Variants in EPB41L4A observed in about 807,000 individuals in gnomAD.
EPB41L4A encodes band 4.1-like protein 4A.
EPB41L4A carries 100 observed loss-of-function variants against 108.6 expected under a neutral mutation model. The observed-to-expected ratio is 0.92, with a 90% CI of 0.78 to 1.09. The LOEUF is 1.09. Among genes scored for constraint, EPB41L4A ranks in the 50% least tolerant of loss-of-function variants. The pLI is 0.00. For synonymous variants in EPB41L4A, 319 were observed against 289.0 expected (o/e 1.10, Z -1.05); for missense variants, 1,030 against 842.7 (o/e 1.22, Z -2.75).
chr5:112,341,629 T>G (rs1418156083), intron 1 of EPB41L4A, among the ~76,000 whole-genome samples: 1 of 152,112 alleles, frequency 6.6e-6, no homozygotes, highest in Non-Finnish European at 1.5e-5. Context: ...ATTAAAAGCT[T>G]GGCCAGGTGC....
Position 112,307,253 on chromosome 5 carries a change from G to T in EPB41L4A, c.204+133C>A, listed in dbSNP as rs1052122343. 2.5e-5 allele frequency: 15 copies of T among 608,908 alleles called. No individual in the cohort carries two copies. The Admixed American group carries it at 4.3e-4, about 17-fold the overall frequency. The allele number at this position is 608,908 out of a possible 1,614,324, so 37.7% of individuals were successfully genotyped here. Reference sequence around the variant, plus strand: ...AAAAAATGCAAAGAAATTATCAGGGGAAAACATGTTTGAGATTTTCAAAGT... The same window carrying T: ...AAAAAATGCAAAGAAATTATCAGGGTAAAACATGTTTGAGATTTTCAAAGT... On this transcript the variant is annotated intron_variant, in intron 2 of 22. Transcript: ENST00000261486.
chr5:112,217,241 G>A (rs1366079925), intron 12 of EPB41L4A, among the ~76,000 whole-genome samples: 1 of 152,092 alleles, frequency 6.6e-6, no homozygotes, highest in African/African-American at 2.4e-5. Context: ...ACCGCATCCA[G>A]CTGGAAAATT....
At chr5:112,178,055 CAAAA>C in intron 18 of EPB41L4A, among the ~76,000 whole-genome samples, 1 of 142,124 alleles carries the variant, frequency 7.0e-6, no homozygotes, top group East Asian at 2.1e-4. Flanking sequence ...AAAAAAAAAA[CAAAA>C]AGACCAACTG....
intron 17 of EPB41L4A, among the ~76,000 whole-genome samples, chr5:112,192,490 C>T (rs992071198): frequency 6.6e-6 from 1 of 152,104 alleles, no homozygotes; most frequent in African/African-American, 2.4e-5. Flanking sequence ...TGAAACGTGT[C>T]GGAATGTGTT....
At chr5:112,224,990 G>T (rs1748355345) in intron 12 of EPB41L4A, among the ~76,000 whole-genome samples, 1 of 151,248 alleles carries the variant, frequency 6.6e-6, no homozygotes, top group South Asian at 2.1e-4. Context: ...TGACCCAGAA[G>T]AAATAAACAA....
rs73229331 is a variant in EPB41L4A, at chr5:112,199,265, T to C, written c.1377-3557A>G. On this transcript the variant is annotated intron_variant, in intron 15 of 22. Coordinates refer to ENST00000261486, the MANE Select transcript of EPB41L4A (RefSeq NM_022140.5). Reference sequence around the variant, plus strand: ...TCCATAGTCTTTTCTCTTGTCCCTGTCCATCTCTTACAAAGGGATTCTCTA... The same window carrying C: ...TCCATAGTCTTTTCTCTTGTCCCTGCCCATCTCTTACAAAGGGATTCTCTA... Among the ~76,000 whole-genome samples, 1,510 of 152,326 alleles carry C rather than the reference T, an allele frequency of 9.9e-3. 25 individuals are homozygous for C. Among genetic ancestry groups the C allele is most frequent in the African/African-American group, 0.034 (1,403 of 41,560 alleles).
chr5:112,163,154 CAGCTTGGACT>C lies in EPB41L4A; in HGVS notation c.*1826_*1835del, dbSNP rs1760018989. 6.6e-6 allele frequency: 1 copy of C among 152,068 alleles called. No homozygotes were observed. The highest frequency in any genetic ancestry group is 6.6e-5 in the Admixed American group (1 of 15,262). 9.4% of individuals were successfully genotyped at this position (152,068 alleles called of 1,614,324 possible). A position where few individuals can be genotyped will look rare whatever the true frequency, so the allele number is the denominator to read the frequency against. ...GCTTATTGTTGTCTAGACAAGAGAC[CAGCTTGGACT>C]AGTAAAATTAGTGAAATAAGATCGT... On this transcript the variant is annotated 3_prime_UTR_variant, in exon 23 of 23. Transcript: ENST00000261486.
At chr5:112,384,531 C>A (rs1347737522) in intron 1 of EPB41L4A, among the ~76,000 whole-genome samples, 1 of 151,972 alleles carries the variant, frequency 6.6e-6, no homozygotes, top group African/African-American at 2.4e-5. Context: ...AGCCTGAGAA[C>A]TTTCTGCCGC....
chr5:112,162,618 G>T (rs770799415), downstream of EPB41L4A: 2 of 152,200 alleles, frequency 1.3e-5, no homozygotes, highest in Admixed American at 6.5e-5. Flanking sequence ...GACAAATAAT[G>T]TATAGAGGTA....
At chr5:112,374,533 T>A (rs1363047375) in intron 1 of EPB41L4A, among the ~76,000 whole-genome samples, 2 of 152,216 alleles carry the variant, frequency 1.3e-5, no homozygotes, top group African/African-American at 4.8e-5. Context: ...GAGTTATAAA[T>A]ATTACTCAGC....
At chr5:112,170,409 G>A in intron 19 of EPB41L4A, 40 bp from the exon 20 acceptor site, 1 of 1,289,676 alleles carries the variant, frequency 7.8e-7, no homozygotes. Context: ...TTGTGGTGCT[G>A]GTATAAATGC....
chr5:112,161,406 G>A, downstream of EPB41L4A: 5 of 441,290 alleles, frequency 1.1e-5, no homozygotes, highest in African/African-American at 2.0e-5. Context: ...GAAATGTATT[G>A]TCCGTTTTTA....
intron 1 of EPB41L4A, among the ~76,000 whole-genome samples, chr5:112,397,390 C>T (rs962078519): frequency 1.3e-5 from 2 of 152,086 alleles, no homozygotes; most frequent in East Asian, 1.9e-4. Flanking sequence ...ACATGTATTA[C>T]GTCTTAAAAA....
At chr5:112,246,591 T>C (rs4958024) in intron 9 of EPB41L4A, among the ~76,000 whole-genome samples, 50,568 of 152,022 alleles carry the variant, frequency 0.33, 8,732 homozygotes, top group Non-Finnish European at 0.38. Context: ...CATATTTTTC[T>C]CATAAGGAAA....
chr5:112,190,318 T>G (rs1291570820), intron 17 of EPB41L4A, among the ~76,000 whole-genome samples: 1 of 151,480 alleles, frequency 6.6e-6, no homozygotes, highest in Non-Finnish European at 1.5e-5. Context: ...AAGGGGGGGG[T>G]GTTACATAAA....
intron 1 of EPB41L4A, among the ~76,000 whole-genome samples, chr5:112,398,930 G>GAA (rs60463095): frequency 1.8e-5 from 2 of 108,302 alleles, no homozygotes; most frequent in Non-Finnish European, 4.3e-5. Context: ...GTCTATCCTA[G>GAA]AAAAAAAAAA....
intron 12 of EPB41L4A, among the ~76,000 whole-genome samples, chr5:112,212,975 C>A (rs534656693): frequency 6.6e-6 from 1 of 152,094 alleles, no homozygotes; most frequent in African/African-American, 2.4e-5. Flanking sequence ...CAGAGAAAAA[C>A]AGAATATTTT....
chr5:112,194,437 C>A (rs1423266867), intron 17 of EPB41L4A, 131 bp downstream of exon 17: 3 of 556,428 alleles, frequency 5.4e-6, no homozygotes, highest in South Asian at 2.7e-5. Flanking sequence ...AAACTAAGTG[C>A]TTCAAAATAG....
chr5:112,418,625 CTCTT>C (rs1003595312), intron 1 of EPB41L4A, among the ~76,000 whole-genome samples: 2 of 152,206 alleles, frequency 1.3e-5, no homozygotes, highest in African/African-American at 4.8e-5. Context: ...CATTCTGCCC[CTCTT>C]TGAGAGCTGC....
Sources: allele counts gnomAD v4.1 joint callset (sites outside exome capture counted in the v4.1 genomes callset), GRCh38; gene constraint gnomAD v4.1.1; transcripts MANE v1.5; gene names NCBI Gene and HGNC (gene_info 2026-07-23, HGNC 2026-07-21).